Variants in KHDRBS2 observed in about 807,000 individuals in gnomAD.
The protein encoded by KHDRBS2 is KH domain-containing, RNA-binding, signal transduction-associated protein 2.
KHDRBS2 carries 26 observed loss-of-function variants against 44.3 expected under a neutral mutation model. The ratio of observed to expected loss-of-function variants is 0.59; its 90% CI spans 0.43 to 0.81. KHDRBS2 has a LOEUF of 0.81. Among genes scored for constraint, KHDRBS2 ranks in the 40% least tolerant of loss-of-function variants. KHDRBS2 has a pLI of 0.00. For missense variants in KHDRBS2, 476 were observed against 433.1 expected (o/e 1.10, Z -0.88); for synonymous variants, 194 against 151.1 (o/e 1.28, Z -2.08).
intron 6 of KHDRBS2, among the ~76,000 whole-genome samples, chr6:61,831,942 A>G (rs545248940): frequency 1.8e-4 from 27 of 152,302 alleles, no homozygotes; most frequent in African/African-American, 5.8e-4. Flanking sequence ...GTACACTAAT[A>G]AAAAAGGAAA....
chr6:62,172,554 A>T (rs1390583748), intron 2 of KHDRBS2, among the ~76,000 whole-genome samples: 1 of 152,012 alleles, frequency 6.6e-6, no homozygotes, highest in Admixed American at 6.6e-5. Context: ...GATATTCAGA[A>T]CCTGAACTCA....
chr6:61,818,238 A>G (rs1355543801), intron 6 of KHDRBS2, among the ~76,000 whole-genome samples: 1 of 149,152 alleles, frequency 6.7e-6, no homozygotes, highest in Admixed American at 6.7e-5. Flanking sequence ...TTAAAATCAG[A>G]ATATTGGGCA....
intron 1 of KHDRBS2, among the ~76,000 whole-genome samples, chr6:62,226,799 G>GT (rs1486894813): frequency 5.9e-5 from 9 of 152,056 alleles, no homozygotes; most frequent in African/African-American, 2.2e-4. Flanking sequence ...CCCATTACTT[G>GT]TTTTTTTCCA....
chr6:61,655,720 T>C, the KHDRBS2 span, among the ~76,000 whole-genome samples: 96 of 152,214 alleles, frequency 6.3e-4, no homozygotes, highest in African/African-American at 2.2e-3. Flanking sequence ...GAAATTGCAA[T>C]GTTAATATCC....
At chr6:62,111,549 A>G (rs1482144476) in intron 2 of KHDRBS2, among the ~76,000 whole-genome samples, 1 of 152,128 alleles carries the variant, frequency 6.6e-6, no homozygotes, top group Admixed American at 6.6e-5. Context: ...TAGATGATTT[A>G]TTAAAGTGAT....
chr6:61,986,563 A>C (rs1335504336), intron 3 of KHDRBS2, among the ~76,000 whole-genome samples: 1 of 152,340 alleles, frequency 6.6e-6, no homozygotes, highest in East Asian at 1.9e-4. Context: ...TAGAAAGATA[A>C]GGAAAAATAA....
intron 4 of KHDRBS2, among the ~76,000 whole-genome samples, chr6:61,954,995 T>TAC (rs1766201888): frequency 7.0e-6 from 1 of 143,728 alleles, no homozygotes; most frequent in Non-Finnish European, 1.5e-5. Flanking sequence ...TATACATATA[T>TAC]AGACATACAT....
chr6:62,223,809 C>A (rs1026064491), intron 1 of KHDRBS2, among the ~76,000 whole-genome samples: 3 of 152,150 alleles, frequency 2.0e-5, no homozygotes, highest in African/African-American at 4.8e-5. Context: ...CAGTTCCCAA[C>A]AAATTCCTCA....
intron 6 of KHDRBS2, among the ~76,000 whole-genome samples, chr6:61,870,559 AC>A (rs1228602478): frequency 6.6e-6 from 1 of 151,476 alleles, no homozygotes; most frequent in Non-Finnish European, 1.5e-5. Flanking sequence ...TGGGTCTCTG[AC>A]CCCCATGTAT....
Position 62,124,087 on chromosome 6 carries a change from C to T in KHDRBS2, c.219+53098G>A, listed in dbSNP as rs1808372742. 2.0e-5 allele frequency among the ~76,000 whole-genome samples: 3 copies of T among 152,160 alleles called. No individual in the cohort carries two copies. The South Asian group carries it at 6.2e-4, about 31-fold the overall frequency. On this transcript the variant is annotated intron_variant, in intron 2 of 8. Coordinates refer to ENST00000281156, the MANE Select transcript of KHDRBS2 (RefSeq NM_152688.4). ...GCTAAATTTGATGGACCCTTTTCTGCTCTCATCTTACTTGACTGCTTTGTA... is the reference window on the plus strand; with the variant it reads ...GCTAAATTTGATGGACCCTTTTCTGTTCTCATCTTACTTGACTGCTTTGTA...
intron 2 of KHDRBS2, among the ~76,000 whole-genome samples, chr6:62,109,343 T>A (rs1169493432): frequency 4.6e-5 from 7 of 151,942 alleles, no homozygotes; most frequent in Non-Finnish European, 7.4e-5. Context: ...AAATGAAAAT[T>A]CCTTATTTTT....
intron 4 of KHDRBS2, among the ~76,000 whole-genome samples, chr6:61,922,089 T>A (rs1002078690): frequency 3.9e-5 from 6 of 152,068 alleles, no homozygotes; most frequent in Non-Finnish European, 5.9e-5. Flanking sequence ...TTGAATTGCT[T>A]ATCTATATTG....
chr6:62,164,489 T>C (rs1818274694), intron 2 of KHDRBS2, among the ~76,000 whole-genome samples: 1 of 151,840 alleles, frequency 6.6e-6, no homozygotes, highest in Non-Finnish European at 1.5e-5. Context: ...ACATTAATAA[T>C]AACTAATTCA....
chr6:61,679,239 C>G (rs1181697158), downstream of KHDRBS2, among the ~76,000 whole-genome samples: 1 of 151,794 alleles, frequency 6.6e-6, no homozygotes, highest in Non-Finnish European at 1.5e-5. Context: ...TTTTTTCCAT[C>G]AAAATTTAGC....
chr6:62,285,023 G>C (rs1842288921), intron 1 of KHDRBS2, among the ~76,000 whole-genome samples: 1 of 152,088 alleles, frequency 6.6e-6, no homozygotes, highest in Admixed American at 6.5e-5. Context: ...AAAGGCATGG[G>C]TAAGTAACTA....
chr6:61,976,764 A>G (rs1409011804), intron 4 of KHDRBS2, among the ~76,000 whole-genome samples: 2 of 152,150 alleles, frequency 1.3e-5, no homozygotes, highest in African/African-American at 4.8e-5. Flanking sequence ...TCTCATTTTT[A>G]TACTATGTAT....
chr6:61,645,194 T>C, the KHDRBS2 span, among the ~76,000 whole-genome samples: 1 of 152,070 alleles, frequency 6.6e-6, no homozygotes, highest in African/African-American at 2.4e-5. Flanking sequence ...CCACCATACT[T>C]AGCAAACTAA....
chr6:62,277,201 T>C lies in KHDRBS2; in HGVS notation c.91+8657A>G, dbSNP rs147342067. 8.0e-3 allele frequency among the ~76,000 whole-genome samples: 1,222 copies of C among 152,164 alleles called. 17 individuals are homozygous for C. Among genetic ancestry groups the C allele is most frequent in the African/African-American group, 0.027 (1,142 of 41,528 alleles). ...CTTCCATATACTTATTTATATCATA[T>C]ATGTATATATATAAATATCTGTCTA... is the stretch of plus-strand genomic sequence containing the variant. On this transcript the variant is annotated intron_variant, in intron 1 of 8. Coordinates refer to ENST00000281156, the MANE Select transcript of KHDRBS2 (RefSeq NM_152688.4).
At chr6:62,278,789 C>T (rs1841369437) in intron 1 of KHDRBS2, among the ~76,000 whole-genome samples, 1 of 152,066 alleles carries the variant, frequency 6.6e-6, no homozygotes, top group Non-Finnish European at 1.5e-5. Context: ...AAGCCAGCAA[C>T]TCAGAAGTAT....
Sources: allele counts gnomAD v4.1 joint callset (sites outside exome capture counted in the v4.1 genomes callset), GRCh38; gene constraint gnomAD v4.1.1; transcripts MANE v1.5; gene names NCBI Gene and HGNC (gene_info 2026-07-23, HGNC 2026-07-21).